PBX1: variants seen among roughly 807,000 people sequenced by gnomAD.
PBX1 encodes the protein pre-B-cell leukemia transcription factor 1.
In PBX1, 6 loss-of-function variants were observed where a neutral mutation model predicts 53.4. The ratio of observed to expected loss-of-function variants is 0.11; its 90% CI spans 0.06 to 0.22. The LOEUF is 0.22. PBX1 is among the 10% of genes least tolerant of loss of function. The pLI, the probability that PBX1 is intolerant of heterozygous loss-of-function variation, is 1.00. For missense variants in PBX1, 251 were observed against 551.4 expected, an observed-to-expected ratio of 0.46 and a Z score of 5.46; for synonymous variants, 204 against 212.3, an observed-to-expected ratio of 0.96 and a Z score of 0.34.
intron 2 of PBX1, among the ~76,000 whole-genome samples, chr1:164,757,364 G>A (rs1171677403): frequency 6.6e-6 from 1 of 152,084 alleles, no homozygotes; most frequent in Non-Finnish European, 1.5e-5. Context: ...AATGCCATTG[G>A]AAACTAATAA....
At chr1:164,643,434 T>G (rs1485839432) in intron 2 of PBX1, among the ~76,000 whole-genome samples, 1 of 152,166 alleles carries the variant, frequency 6.6e-6, no homozygotes, top group Non-Finnish European at 1.5e-5. Context: ...GTTGGTTTTC[T>G]TAATTCTCTT....
At chr1:164,750,059 T>C (rs1258066674) in intron 2 of PBX1, among the ~76,000 whole-genome samples, 2 of 151,350 alleles carry the variant, frequency 1.3e-5, no homozygotes, top group African/African-American at 4.9e-5. Context: ...ATGATTATAC[T>C]GCACATTAGC....
chr1:164,741,374 A>T (rs191758272), intron 2 of PBX1, among the ~76,000 whole-genome samples: 159 of 152,334 alleles, frequency 1.0e-3, no homozygotes, highest in African/African-American at 3.6e-3. Context: ...ATTTTCAGGA[A>T]TATAAATTGC....
At position 164,646,089 on chromosome 1, in the gene PBX1, A is replaced by G. The variant is rs1659438085; in HGVS notation, c.265+82778A>G. Among the ~76,000 whole-genome samples, 6 of 152,336 alleles carry G rather than the reference A, an allele frequency of 3.9e-5. No individual in the cohort carries two copies. The South Asian group carries it at 1.2e-3, about 32-fold the overall frequency. On this transcript the variant is annotated intron_variant, in intron 2 of 8. Coordinates refer to ENST00000420696, the MANE Select transcript of PBX1 (RefSeq NM_002585.4). ...CTTTTATGCATAACACAAGATGCGAATCTGAAGGGATTTTATTTTTCTCTC... is the reference window on the plus strand; with the variant it reads ...CTTTTATGCATAACACAAGATGCGAGTCTGAAGGGATTTTATTTTTCTCTC...
chr1:164,862,879 T>C (rs750792366), intron 2 of PBX1, among the ~76,000 whole-genome samples: 3 of 152,224 alleles, frequency 2.0e-5, no homozygotes, highest in Non-Finnish European at 4.4e-5. Context: ...TGGATGTATT[T>C]ATTTTTTTCT....
chr1:164,773,748 G>A (rs1350817857), intron 2 of PBX1, among the ~76,000 whole-genome samples: 1 of 152,164 alleles, frequency 6.6e-6, no homozygotes, highest in East Asian at 1.9e-4. Flanking sequence ...GATGTCACCT[G>A]GAGTCTCTGC....
At chr1:164,868,852 G>C (rs927750880) in intron 2 of PBX1, among the ~76,000 whole-genome samples, 1 of 152,080 alleles carries the variant, frequency 6.6e-6, no homozygotes, top group African/African-American at 2.4e-5. Context: ...GATGGCTCTG[G>C]GATGGCGAGA....
Position 164,846,900 on chromosome 1 carries a change from C to T in PBX1, c.*224C>T. 1 of 1,376,096 alleles carries T rather than the reference C, an allele frequency of 7.3e-7. No homozygotes were observed. Among genetic ancestry groups the T allele is most frequent in the Non-Finnish European group, 9.4e-7 (1 of 1,063,770 alleles). The allele number at this position is 1,376,096 out of a possible 1,614,324, so 85.2% of individuals were successfully genotyped here. A position where few individuals can be genotyped will look rare whatever the true frequency, so the allele number is the denominator to read the frequency against. On this transcript the variant is annotated 3_prime_UTR_variant, in exon 9 of 9. Transcript: ENST00000420696. ...TTTTCTGGGTAGAAGCCACCCTTCC[C>T]TGCCTCCAGCTGTCAGCCTGGTTTT...
intron 2 of PBX1, among the ~76,000 whole-genome samples, chr1:164,788,976 A>C (rs1280485732): frequency 6.6e-6 from 1 of 152,216 alleles, no homozygotes; most frequent in Non-Finnish European, 1.5e-5. Flanking sequence ...CAGGATTCAC[A>C]AAATGATGTG....
intron 2 of PBX1, among the ~76,000 whole-genome samples, chr1:164,629,094 T>C (rs1244893522): frequency 6.6e-6 from 1 of 152,186 alleles, no homozygotes; most frequent in Non-Finnish European, 1.5e-5. Context: ...CCTGGTCATC[T>C]GTGACACTGT....
intron 2 of PBX1, among the ~76,000 whole-genome samples, chr1:164,740,283 AGCCATATACTTGAT>A (rs1255013009): frequency 5.9e-5 from 9 of 152,294 alleles, no homozygotes; most frequent in South Asian, 2.1e-4. Context: ...AACCATACTG[AGCCATATACTTGAT>A]GCCATATACT....
intron 2 of PBX1, among the ~76,000 whole-genome samples, chr1:164,858,868 G>T (rs949740690): frequency 2.0e-5 from 3 of 152,154 alleles, no homozygotes; most frequent in Non-Finnish European, 4.4e-5. Flanking sequence ...CTTCATACGT[G>T]CCGTGTACTT....
At chr1:164,638,217 C>T (rs1034735016) in intron 2 of PBX1, among the ~76,000 whole-genome samples, 5 of 152,204 alleles carry the variant, frequency 3.3e-5, no homozygotes, top group Admixed American at 1.3e-4. Flanking sequence ...TGGTCACTTG[C>T]GCAGATTTCT....
chr1:164,580,028 A>C (rs969938705), intron 2 of PBX1, among the ~76,000 whole-genome samples: 7 of 152,264 alleles, frequency 4.6e-5, no homozygotes, highest in African/African-American at 1.7e-4. Flanking sequence ...GAAAATATTC[A>C]TTCCCATTGA....
chr1:164,884,414 G>C (rs1672730719), intron 2 of PBX1: 2 of 294,160 alleles, frequency 6.8e-6, no homozygotes, highest in African/African-American at 2.2e-5. Flanking sequence ...GATCTTGCCA[G>C]AGGGTGGGCG....
At chr1:164,754,714 A>G (rs1219485602) in intron 2 of PBX1, among the ~76,000 whole-genome samples, 1 of 152,110 alleles carries the variant, frequency 6.6e-6, no homozygotes, top group Non-Finnish European at 1.5e-5. Context: ...AGAGAGAGAG[A>G]TGAGGATAAT....
At chr1:164,640,554 TTGTG>T (rs67432278) in intron 2 of PBX1, among the ~76,000 whole-genome samples, 1 of 115,512 alleles carries the variant, frequency 8.7e-6, no homozygotes, top group African/African-American at 3.0e-5. Flanking sequence ...TGTTTTTTTT[TTGTG>T]TTTTTTTTTT....
chr1:164,676,896 A>T (rs1334353004), intron 2 of PBX1, among the ~76,000 whole-genome samples: 1 of 152,126 alleles, frequency 6.6e-6, no homozygotes, highest in Admixed American at 6.5e-5. Context: ...CTTTTAAATA[A>T]GACTAATGTG....
Position 164,782,341 on chromosome 1 carries a change from A to T in PBX1, c.266-10153A>T, listed in dbSNP as rs115220043. Among the ~76,000 whole-genome samples, 329 of 152,246 alleles carry T rather than the reference A, an allele frequency of 2.2e-3. 1 individual carries two copies. Among genetic ancestry groups the T allele is most frequent in the Middle Eastern group, 0.01 (3 of 294 alleles). ...TCCTCTGTCTGTCCTTGGTCTGCAC[A>T]CCTCTGTCTATGGCTGTCACCTGGC... is the stretch of plus-strand genomic sequence containing the variant. On this transcript the variant is annotated intron_variant, in intron 2 of 8. Coordinates refer to ENST00000420696, the MANE Select transcript of PBX1 (RefSeq NM_002585.4).
Sources: gnomAD v4.1 joint callset for allele counts (sites outside exome capture counted in the v4.1 genomes callset) on GRCh38, gnomAD v4.1.1 for gene constraint, MANE v1.5 for transcripts, NCBI Gene and HGNC (gene_info 2026-07-23, HGNC 2026-07-21) for gene names.